FSHR: variants seen among roughly 807,000 people sequenced by gnomAD.
FSHR encodes the protein follicle stimulating hormone receptor, also known as follicle-stimulating hormone receptor.
In FSHR, 46 loss-of-function variants were observed where a neutral mutation model predicts 52.1. The ratio of observed to expected loss-of-function variants is 0.88; its 90% CI spans 0.70 to 1.13. The LOEUF is 1.13. Ranked by LOEUF, FSHR falls within the 50% of genes most tolerant of loss-of-function variation. The pLI, the probability that FSHR is intolerant of heterozygous loss-of-function variation, is 0.00. For synonymous variants in FSHR, 399 were observed against 309.6 expected (o/e 1.29, Z -3.03); for missense variants, 964 against 834.6 (o/e 1.16, Z -1.91).
At chr2:49,153,809 T>G (rs757225902) in intron 1 of FSHR, among the ~76,000 whole-genome samples, 2 of 152,178 alleles carry the variant, frequency 1.3e-5, no homozygotes, top group Non-Finnish European at 2.9e-5. Context: ...TATTTGCTGC[T>G]GCCTTCAAAA....
At chr2:49,153,456 C>T (rs1044442450) in intron 1 of FSHR, among the ~76,000 whole-genome samples, 4 of 151,948 alleles carry the variant, frequency 2.6e-5, no homozygotes, top group Non-Finnish European at 4.4e-5. Flanking sequence ...AAACAGTAGA[C>T]TGTGAGTCAA....
intron 1 of FSHR, among the ~76,000 whole-genome samples, chr2:49,116,575 G>C (rs960314044): frequency 1.3e-5 from 2 of 152,174 alleles, no homozygotes; most frequent in South Asian, 4.1e-4. Context: ...TCTCAGCACT[G>C]TGCCTAACAC....
intron 2 of FSHR, among the ~76,000 whole-genome samples, chr2:49,056,485 T>TATCC (rs1345751556): frequency 5.5e-5 from 6 of 109,080 alleles, no homozygotes; most frequent in Non-Finnish European, 1.2e-4. Flanking sequence ...TATATATATA[T>TATCC]ATCCAACACC....
intron 1 of FSHR, among the ~76,000 whole-genome samples, chr2:49,151,613 C>T (rs989409106): frequency 1.3e-5 from 2 of 152,014 alleles, no homozygotes; most frequent in Non-Finnish European, 2.9e-5. Flanking sequence ...GTTTTCCACC[C>T]GGTGAGCCTG....
intron 1 of FSHR, among the ~76,000 whole-genome samples, chr2:49,098,155 C>A (rs1444227807): frequency 6.6e-6 from 1 of 151,984 alleles, no homozygotes; most frequent in Non-Finnish European, 1.5e-5. Flanking sequence ...AAAATGATTC[C>A]TGATTGGTTT....
intron 4 of FSHR, among the ~76,000 whole-genome samples, chr2:49,012,801 A>G (rs1667320136): frequency 6.6e-6 from 1 of 152,058 alleles, no homozygotes; most frequent in Non-Finnish European, 1.5e-5. Context: ...GTTGCCATCT[A>G]CCTCTACCTG....
At position 49,127,898 on chromosome 2, in the gene FSHR, C is replaced by CTTCTTCTTCTTCTTCTTT. The variant is rs1558457105; in HGVS notation, c.152+26367_152+26368insAAAGAAGAAGAAGAAGAA. 1.9e-3 allele frequency among the ~76,000 whole-genome samples: 51 copies of CTTCTTCTTCTTCTTCTTT among 27,234 alleles called. 9 individuals carry two copies. The highest frequency in any genetic ancestry group is 2.3e-3 in the Non-Finnish European group (36 of 15,834). 17.9% of individuals were successfully genotyped at this position (27,234 alleles called of 152,430 possible). On this transcript the variant is annotated intron_variant, in intron 1 of 9. Coordinates refer to ENST00000406846, the MANE Select transcript of FSHR (RefSeq NM_000145.4). ...TCTTCTTCTTCTTCTTCTTCTTCTT[C>CTTCTTCTTCTTCTTCTTT]TTTTTTTTTTTTGAGACGGAGTCTT... is the stretch of plus-strand genomic sequence containing the variant.
At chr2:49,013,465 T>TAA (rs1222934520) in intron 4 of FSHR, among the ~76,000 whole-genome samples, 1 of 122,054 alleles carries the variant, frequency 8.2e-6, no homozygotes, top group Non-Finnish European at 1.6e-5. Context: ...TATATATAAA[T>TAA]ATATATATAT....
At chr2:48,976,258 C>T (rs1217285826) in intron 8 of FSHR, among the ~76,000 whole-genome samples, 1 of 152,070 alleles carries the variant, frequency 6.6e-6, no homozygotes, top group Non-Finnish European at 1.5e-5. Flanking sequence ...TGGTTTTTGT[C>T]ATTGGTTCTG....
chr2:49,117,576 T>G (rs889396857), intron 1 of FSHR, among the ~76,000 whole-genome samples: 1 of 152,138 alleles, frequency 6.6e-6, no homozygotes. Context: ...TCCAGGTAAA[T>G]GGAGTGTCCT....
chr2:48,966,557 C>T (rs1001480025), intron 9 of FSHR, among the ~76,000 whole-genome samples: 1 of 152,172 alleles, frequency 6.6e-6, no homozygotes, highest in Non-Finnish European at 1.5e-5. Context: ...TGTTTACACT[C>T]TGGGCATTAT....
intron 2 of FSHR, among the ~76,000 whole-genome samples, chr2:49,059,247 C>T (rs550009505): frequency 1.2e-4 from 18 of 151,754 alleles, no homozygotes; most frequent in Admixed American, 2.6e-4. Flanking sequence ...ACAACAATGC[C>T]GTCATTCACA....
At chr2:48,971,005 C>T (rs964864735) in intron 8 of FSHR, among the ~76,000 whole-genome samples, 13 of 152,264 alleles carry the variant, frequency 8.5e-5, no homozygotes, top group Middle Eastern at 3.4e-3. Context: ...TATAACTGCC[C>T]TCATGACCAT....
chr2:49,140,216 A>T (rs1453168753), intron 1 of FSHR, among the ~76,000 whole-genome samples: 2 of 152,132 alleles, frequency 1.3e-5, no homozygotes, highest in African/African-American at 4.8e-5. Flanking sequence ...TGGATCCCTC[A>T]TGAATGGCTT....
intron 1 of FSHR, among the ~76,000 whole-genome samples, chr2:49,125,972 T>C (rs966782321): frequency 6.6e-6 from 1 of 152,188 alleles, no homozygotes; most frequent in African/African-American, 2.4e-5. Flanking sequence ...CACTGGGTCT[T>C]CTAGCTTACT....
At chr2:49,085,806 C>T (rs1428623976) in intron 1 of FSHR, among the ~76,000 whole-genome samples, 1 of 152,136 alleles carries the variant, frequency 6.6e-6, no homozygotes, top group Non-Finnish European at 1.5e-5. Flanking sequence ...GAGTTCATGT[C>T]CTTTGTAGGG....
intron 2 of FSHR, among the ~76,000 whole-genome samples, chr2:49,031,097 G>T (rs1430063170): frequency 6.6e-6 from 1 of 152,248 alleles, no homozygotes; most frequent in East Asian, 1.9e-4. Flanking sequence ...TCAGGCCTTT[G>T]CTGTACCTTT....
intron 2 of FSHR, among the ~76,000 whole-genome samples, chr2:49,064,246 G>C (rs1179234452): frequency 7.9e-6 from 1 of 126,168 alleles, no homozygotes; most frequent in Non-Finnish European, 1.8e-5. Context: ...CAAGTGCTCT[G>C]GTTTAAATAT....
intron 1 of FSHR, among the ~76,000 whole-genome samples, chr2:49,144,277 C>G (rs1372999096): frequency 1.3e-5 from 2 of 152,152 alleles, no homozygotes; most frequent in African/African-American, 2.4e-5. Context: ...GGCTGAGGTT[C>G]TTAAATCTGC....
Sources: allele counts gnomAD v4.1 joint callset (sites outside exome capture counted in the v4.1 genomes callset), GRCh38; gene constraint gnomAD v4.1.1; transcripts MANE v1.5; gene names NCBI Gene and HGNC (gene_info 2026-07-23, HGNC 2026-07-21).